Variants in BIN1 observed in about 807,000 individuals in gnomAD.
The protein encoded by BIN1 is myc box-dependent-interacting protein 1.
A neutral mutation model predicts 82.0 loss-of-function variants in BIN1; 53 were observed. The observed-to-expected ratio is 0.65, with a 90% CI of 0.52 to 0.81. The LOEUF (loss-of-function observed/expected upper bound fraction) is 0.81. Among genes scored for constraint, BIN1 ranks in the 40% least tolerant of loss-of-function variants. The pLI is 0.00. For missense variants in BIN1, 642 were observed against 784.4 expected (o/e 0.82, Z 2.17); for synonymous variants, 302 against 328.0 (o/e 0.92, Z 0.86).
chr2:127,105,937 A>G (rs750027070), intron 1 of BIN1, among the ~76,000 whole-genome samples: 1 of 152,236 alleles, frequency 6.6e-6, no homozygotes, highest in Non-Finnish European at 1.5e-5. Context: ...GCGTGATCCA[A>G]TTCAATAAAC....
intron 1 of BIN1, among the ~76,000 whole-genome samples, chr2:127,081,092 C>A (rs1687238313): frequency 1.3e-5 from 2 of 152,198 alleles, no homozygotes; most frequent in African/African-American, 4.8e-5. Context: ...AGTCCTGCCA[C>A]CCTCCAACAG....
Position 127,063,601 on chromosome 2 carries a change from C to G in BIN1, c.744G>C (p.Leu248=). 1 of 1,614,032 alleles carries G rather than the reference C, an allele frequency of 6.2e-7. No homozygotes were observed. Among genetic ancestry groups the G allele is most frequent in the East Asian group, 2.2e-5 (1 of 44,872 alleles). The change falls in exon 9 of 19, where the codon CTG becomes CTC. Residue 248 remains leucine, a synonymous_variant. Coordinates refer to ENST00000316724, the MANE Select transcript of BIN1 (RefSeq NM_139343.3). The part of the protein sequence containing the change: ...YVNTFQSIAG[L]EENFHKEMSK... ...TCATCTCCTTGTGGAAGTTTTCCTC[C>G]AGGCCCGCGATGCTCTGGAACGTGT...
chr2:127,050,722 C>CA (rs1682816269), intron 17 of BIN1, 80 bp downstream of exon 17: 2 of 1,519,216 alleles, frequency 1.3e-6, no homozygotes, highest in East Asian at 4.5e-5. Context: ...GGGCAAACCA[C>CA]AGAGTCTCCT....
At chr2:127,083,761 T>C (rs13426725) in intron 1 of BIN1, among the ~76,000 whole-genome samples, 26,498 of 152,184 alleles carry the variant, frequency 0.17, 2,424 homozygotes, top group South Asian at 0.23. Flanking sequence ...CCATTTTTTT[T>C]CTTTCGTGAT....
At chr2:127,075,474 CA>C in intron 2 of BIN1, among the ~76,000 whole-genome samples, 1 of 152,178 alleles carries the variant, frequency 6.6e-6, no homozygotes, top group Middle Eastern at 3.2e-3. Flanking sequence ...TGCCCAGAGC[CA>C]CAGAGGCAGT....
chr2:127,106,796 G>T lies in BIN1; in HGVS notation c.84+64C>A, dbSNP rs925183721. Reference sequence around the variant, plus strand: ...AGGCCCCGGGGTCGGAGGATAGGGGGACAGGTGGCCGGGGCTCCGCGGCGG... The same window carrying T: ...AGGCCCCGGGGTCGGAGGATAGGGGTACAGGTGGCCGGGGCTCCGCGGCGG... On this transcript the variant is annotated intron_variant, in intron 1 of 18. Coordinates refer to ENST00000316724, the MANE Select transcript of BIN1 (RefSeq NM_139343.3). 6 of 1,536,956 alleles carry T rather than the reference G, an allele frequency of 3.9e-6. No homozygotes were observed. The South Asian group carries it at 4.8e-5, about 12-fold the overall frequency.
rs766185851 is a variant in BIN1, at chr2:127,106,854, G to A, written c.84+6C>T. On this transcript the variant is annotated splice_donor_region_variant and intron_variant, in intron 1 of 18. Coordinates refer to ENST00000316724, the MANE Select transcript of BIN1 (RefSeq NM_139343.3). ...TCCGCGGCTGCTGGGGCTCCGGCTCGCTCACCTTCTCCTGCGCGCGGGTGA... is the reference window on the plus strand; with the variant it reads ...TCCGCGGCTGCTGGGGCTCCGGCTCACTCACCTTCTCCTGCGCGCGGGTGA... The A allele has an allele frequency of 2.5e-6, 4 of 1,600,974 alleles. No homozygotes were observed. In the Admixed American group the frequency reaches 6.7e-5, roughly 27 times the overall value.
At chr2:127,060,531 G>C in intron 10 of BIN1, 2 of 1,608,220 alleles carry the variant, frequency 1.2e-6, no homozygotes, top group South Asian at 2.2e-5. Context: ...AGGGCGCAAG[G>C]CGCATGCACA....
intron 10 of BIN1, among the ~76,000 whole-genome samples, chr2:127,060,968 G>A (rs984917164): frequency 6.6e-6 from 1 of 152,144 alleles, no homozygotes; most frequent in Non-Finnish European, 1.5e-5. Context: ...GCCCCCAGGC[G>A]AGCACAGAGT....
rs1458539153 is a variant in BIN1, at chr2:127,106,917, C to T, written c.27G>A (p.Val9=). The change falls in exon 1 of 19, where the codon GTG becomes GTA. Residue 9 remains valine (V), a synonymous_variant. Transcript: ENST00000316724. MAEMGSKG[V]TAGKIASNVQ... is the part of the protein sequence containing the mutation. ...CGTTGCTGGCGATCTTTCCCGCCGTCACCCCTTTACTGCCCATCTCTGCCA... is the reference window on the plus strand; with the variant it reads ...CGTTGCTGGCGATCTTTCCCGCCGTTACCCCTTTACTGCCCATCTCTGCCA... 1.2e-5 allele frequency: 20 copies of T among 1,612,720 alleles called. No individual in the cohort carries two copies. Among genetic ancestry groups the T allele is most frequent in the Non-Finnish European group, 1.6e-5 (19 of 1,179,652 alleles).
At chr2:127,053,238 G>A in intron 14 of BIN1, 184 bp downstream of exon 14, 1 of 810,518 alleles carries the variant, frequency 1.2e-6, no homozygotes, top group Admixed American at 2.1e-5. Context: ...GGGAGAAGCA[G>A]CAGAATGGCT....
rs746090696 is a variant in BIN1, at chr2:127,084,758, G to T, written c.85-8052C>A. 5.3e-5 allele frequency among the ~76,000 whole-genome samples: 8 copies of T among 152,338 alleles called. No individual in the cohort carries two copies. In the East Asian group the frequency reaches 1.5e-3, roughly 29 times the overall value. On this transcript the variant is annotated intron_variant, in intron 1 of 18. Transcript: ENST00000316724. The stretch of plus-strand genomic sequence containing the variant: ...CATCACTCAGGTCTGTCTGCTTCAA[G>T]AAGTGAGAAAGGAGACAGACCCATG...
At position 127,059,772 on chromosome 2, in the gene BIN1, G is replaced by A. The variant is rs1421912325; in HGVS notation, c.858-617C>T. ...GGAGTGGGCAGCTGGCGATGGAGGG[G>A]ACAGGTCCTGAGCCATGGCGTTCAG... On this transcript the variant is annotated intron_variant, in intron 10 of 18. Coordinates refer to ENST00000316724, the MANE Select transcript of BIN1 (RefSeq NM_139343.3). This position sits in a 1 kb window ranked among gnomAD's most constrained non-coding sequence, Gnocchi z 6.7. 6.6e-6 allele frequency among the ~76,000 whole-genome samples: 1 copy of A among 152,174 alleles called. No individual in the cohort carries two copies. Among genetic ancestry groups the A allele is most frequent in the Non-Finnish European group, 1.5e-5 (1 of 68,022 alleles).
At chr2:127,066,142 G>A (rs915504388) in intron 7 of BIN1, among the ~76,000 whole-genome samples, 1 of 152,200 alleles carries the variant, frequency 6.6e-6, no homozygotes, top group African/African-American at 2.4e-5. Flanking sequence ...AAGCAGGGCA[G>A]CCCCGGAGTC....
At chr2:127,063,529 C>A in intron 9 of BIN1, 42 bp downstream of exon 9, 5 of 1,595,572 alleles carry the variant, frequency 3.1e-6, no homozygotes, top group Non-Finnish European at 3.4e-6. Flanking sequence ...GACCCTCGGC[C>A]AGGGTGGGGT....
chr2:127,053,019 C>T, intron 14 of BIN1: 2 of 316,462 alleles, frequency 6.3e-6, no homozygotes, highest in South Asian at 3.3e-5. Context: ...TCGCAAACAG[C>T]TCCCCACTGC....
At chr2:127,079,507 A>G (rs997570178) in intron 1 of BIN1, among the ~76,000 whole-genome samples, 9 of 152,252 alleles carry the variant, frequency 5.9e-5, no homozygotes, top group Admixed American at 5.9e-4. Context: ...CAGAAGTCAC[A>G]GACGCGCACA....
chr2:127,085,092 C>A (rs1361190178), intron 1 of BIN1, among the ~76,000 whole-genome samples: 1 of 152,074 alleles, frequency 6.6e-6, no homozygotes, highest in African/African-American at 2.4e-5. Context: ...GGGGAGGGCA[C>A]CCAGACCTGC....
In BIN1 at chr2:127,057,614, G is replaced by C; in HGVS notation, c.1003-13C>G. On this transcript the variant is annotated splice_polypyrimidine_tract_variant and intron_variant, in intron 11 of 18. Transcript: ENST00000316724. This position sits in a 1 kb window ranked among gnomAD's most constrained non-coding sequence, Gnocchi z 5.0. ...GGCCTTTCCGGAGCTGTGGGTCGGCGGCGGGTGAGGGGCCGCGCGGGAAGG... is the reference window on the plus strand; with the variant it reads ...GGCCTTTCCGGAGCTGTGGGTCGGCCGCGGGTGAGGGGCCGCGCGGGAAGG... 6.6e-7 allele frequency: 1 copy of C among 1,512,542 alleles called. No homozygotes were observed. Among genetic ancestry groups the C allele is most frequent in the East Asian group, 2.5e-5 (1 of 40,140 alleles). The allele number at this position is 1,512,542 out of a possible 1,614,324, so 93.7% of individuals were successfully genotyped here.
Sources: gnomAD v4.1 joint callset for allele counts (sites outside exome capture counted in the v4.1 genomes callset) on GRCh38, gnomAD v4.1.1 for gene constraint, Gnocchi (gnomAD v3.1) non-coding constraint, MANE v1.5 for transcripts, NCBI Gene and HGNC (gene_info 2026-07-23, HGNC 2026-07-21) for gene names.